TCIM: variants seen among roughly 807,000 people sequenced by gnomAD.
TCIM encodes human thyroid cancer 1.
In TCIM, 5 loss-of-function variants were observed where a neutral mutation model predicts 7.0. The observed-to-expected ratio is 0.71, with a 90% CI of 0.37 to 1.50. The LOEUF is 1.50. TCIM is among the 40% of genes most tolerant of loss of function. The pLI, the probability that TCIM is intolerant of heterozygous loss-of-function variation, is 0.03. For synonymous variants in TCIM, 66 were observed against 50.3 expected (o/e 1.31, Z -1.32); for missense variants, 137 against 129.7 (o/e 1.06, Z -0.27).
Position 40,153,549 on chromosome 8 carries a change from G to A in TCIM, c.17G>A (p.Ser6Asn). The A allele has an allele frequency of 6.2e-7, 1 of 1,610,984 alleles. No individual in the cohort carries two copies. Among genetic ancestry groups the A allele is most frequent in the Non-Finnish European group, 8.5e-7 (1 of 1,178,232 alleles). The change falls in exon 1 of 1, where the codon AGC (serine) becomes AAC (asparagine). Residue 6 changes from serine (S) to asparagine (N), a missense_variant. By Grantham distance (46) the Ser-to-Asn change is conservative (BLOSUM62 1). Transcript: ENST00000315792. MKAKRSHQAVIMSTSL... is the reference protein window; with the variant it reads MKAKRNHQAVIMSTSL... ...CCCACATCGATGAAAGCAAAGCGAA[G>A]CCACCAAGCCGTCATCATGTCCACG...
At position 40,153,683 on chromosome 8, in the gene TCIM, C is replaced by T; in HGVS notation, c.151C>T (p.Leu51Phe). Residue 51 changes from leucine to phenylalanine, a missense_variant, in exon 1 of 1, where the codon CTC (leucine) becomes TTC (phenylalanine). By Grantham distance (22) the Leu-to-Phe change is conservative (BLOSUM62 0). Transcript: ENST00000315792. ...ENTDQESLER[L>F]FRNSGDKKAE... ...CACAGACCAAGAATCACTAGAAAGG[C>T]TCTTCAGAAACTCTGGAGACAAGAA... 1.9e-6 allele frequency: 3 copies of T among 1,614,124 alleles called. No homozygotes were observed. The highest frequency in any genetic ancestry group is 2.5e-6 in the Non-Finnish European group (3 of 1,180,010).
Position 40,153,957 on chromosome 8 carries a change from C to G in TCIM, c.*104C>G, listed in dbSNP as rs1007995820. 32 of 1,073,952 alleles carry G rather than the reference C, an allele frequency of 3.0e-5. No homozygotes were observed. Among genetic ancestry groups the G allele is most frequent in the African/African-American group, 4.8e-5 (3 of 63,092 alleles). The allele number at this position is 1,073,952 out of a possible 1,614,324, so 66.5% of individuals were successfully genotyped here. On this transcript the variant is annotated 3_prime_UTR_variant, in exon 1 of 1. Transcript: ENST00000315792. ...CAGCATTTTGCTGCTACCTTACAAGCTTCTCTTCTGTCAGGACTCCAGAGG... is the reference window on the plus strand; with the variant it reads ...CAGCATTTTGCTGCTACCTTACAAGGTTCTCTTCTGTCAGGACTCCAGAGG...
chr8:40,153,789 A>G lies in TCIM; in HGVS notation c.257A>G (p.Lys86Arg). 6.2e-7 allele frequency: 1 copy of G among 1,613,996 alleles called. No individual in the cohort carries two copies. The highest frequency in any genetic ancestry group is 1.1e-5 in the South Asian group (1 of 91,062). The change falls in exon 1 of 1, where the codon AAG becomes AGG. Residue 86 changes from lysine (K) to arginine (R), a missense_variant. Lys to Arg is a conservative substitution (Grantham distance 26). Coordinates refer to ENST00000315792, the MANE Select transcript of TCIM (RefSeq NM_020130.5). ...EKTRALMALK[K>R]RTKDKLFQFL... is the part of the protein sequence containing the mutation. ...ACGCGTGCCCTGATGGCCTTGAAGAAGAGGACAAAAGACAAGCTTTTCCAG... is the reference window on the plus strand; with the variant it reads ...ACGCGTGCCCTGATGGCCTTGAAGAGGAGGACAAAAGACAAGCTTTTCCAG...
At position 40,153,580 on chromosome 8, in the gene TCIM, A is replaced by G. The variant is rs1563486531; in HGVS notation, c.48A>G (p.Leu16=). 1.2e-6 allele frequency: 2 copies of G among 1,614,114 alleles called. No homozygotes were observed. The highest frequency in any genetic ancestry group is 2.2e-5 in the South Asian group (2 of 91,074). The change falls in exon 1 of 1, where the codon CTA becomes CTG. Residue 16 remains leucine (L), a synonymous_variant. Coordinates refer to ENST00000315792, the MANE Select transcript of TCIM (RefSeq NM_020130.5). ...SHQAVIMSTS[L]RVSPSIHGYH... The stretch of plus-strand genomic sequence containing the variant: ...AAGCCGTCATCATGTCCACGTCGCT[A>G]CGAGTCAGCCCATCCATCCATGGCT...
In TCIM at chr8:40,153,945, CT is replaced by C; in HGVS notation, c.*93del. On this transcript the variant is annotated 3_prime_UTR_variant, in exon 1 of 1. Coordinates refer to ENST00000315792, the MANE Select transcript of TCIM (RefSeq NM_020130.5). ...TTCTAACAGATGCAGCATTTTGCTG[CT>C]ACCTTACAAGCTTCTCTTCTGTCAG... 2 of 1,195,380 alleles carry C rather than the reference CT, an allele frequency of 1.7e-6. No individual in the cohort carries two copies. The highest frequency in any genetic ancestry group is 2.4e-6 in the Non-Finnish European group (2 of 844,002). 74.0% of individuals were successfully genotyped at this position (1,195,380 alleles called of 1,614,324 possible). A position where few individuals can be genotyped will look rare whatever the true frequency, so the allele number is the denominator to read the frequency against.
chr8:40,154,834 G>A lies in TCIM; in HGVS notation c.*981G>A, dbSNP rs528818380. ...TTGTGGCTTTTGGTCTGTGATGCTT[G>A]GTCTCAAAGGAAAAAATAAGATGGT... On this transcript the variant is annotated 3_prime_UTR_variant, in exon 1 of 1. Transcript: ENST00000315792. 2.2e-4 allele frequency: 37 copies of A among 166,878 alleles called. No individual in the cohort carries two copies. The highest frequency in any genetic ancestry group is 7.5e-4 in the African/African-American group (31 of 41,468). 10.3% of individuals were successfully genotyped at this position (166,878 alleles called of 1,614,324 possible).
chr8:40,153,489 C>A lies in TCIM; in HGVS notation c.-44C>A. The A allele has an allele frequency of 6.6e-7, 1 of 1,519,128 alleles. No individual in the cohort carries two copies. The highest frequency in any genetic ancestry group is 1.2e-5 in the South Asian group (1 of 81,242). The allele number at this position is 1,519,128 out of a possible 1,614,324, so 94.1% of individuals were successfully genotyped here. The stretch of plus-strand genomic sequence containing the variant: ...TCCCAGAATGATTTCACTACAGACT[C>A]TCTGGAAAGCCTGGGAGCTGAATTC... On this transcript the variant is annotated 5_prime_UTR_variant, in exon 1 of 1. Transcript: ENST00000315792.
chr8:40,154,155 C>A lies in TCIM; in HGVS notation c.*302C>A. The A allele has an allele frequency of 2.2e-6, 1 of 453,538 alleles. No individual in the cohort carries two copies. Among genetic ancestry groups the A allele is most frequent in the Non-Finnish European group, 4.0e-6 (1 of 249,570 alleles). The allele number at this position is 453,538 out of a possible 1,614,324, so 28.1% of individuals were successfully genotyped here. On this transcript the variant is annotated 3_prime_UTR_variant, in exon 1 of 1. Transcript: ENST00000315792. ...ATTGATGCTGATAGAAGAGCCTGGA[C>A]AGATGTAATGAGAACTAAAGAAAAC...
rs1393950551 is a variant in TCIM, at chr8:40,154,980, G to A, written c.*1127G>A. 2.4e-5 allele frequency: 4 copies of A among 166,846 alleles called. No homozygotes were observed. The highest frequency in any genetic ancestry group is 5.9e-5 in the Non-Finnish European group (4 of 68,068). The allele number at this position is 166,846 out of a possible 1,614,324, so 10.3% of individuals were successfully genotyped here. ...ACAAATTCTTACGTCAAATATCTGG[G>A]AAGTTTCTCTGTCCCAATCTTAAAA... On this transcript the variant is annotated 3_prime_UTR_variant, in exon 1 of 1. Transcript: ENST00000315792.
rs1381512419 is a variant in TCIM at position 40,154,706 on chromosome 8, A to T, written c.*853A>T. 6.0e-6 allele frequency: 1 copy of T among 167,164 alleles called. No individual in the cohort carries two copies. The allele number at this position is 167,164 out of a possible 1,614,324, so 10.4% of individuals were successfully genotyped here. A position where few individuals can be genotyped will look rare whatever the true frequency, so the allele number is the denominator to read the frequency against. ...TCATACAGTTACTGCAGTAAGCATT[A>T]GGAAGTGAATATGATATACAAAATA... On this transcript the variant is annotated 3_prime_UTR_variant, in exon 1 of 1. Coordinates refer to ENST00000315792, the MANE Select transcript of TCIM (RefSeq NM_020130.5).
rs759716584 is a variant in TCIM, at chr8:40,155,023, G to A, written c.*1170G>A. ...TCTTAAAATATAAAATATAGATATA[G>A]AAGTTCATAGATTGACTCCTTGGCA... On this transcript the variant is annotated 3_prime_UTR_variant, in exon 1 of 1. Coordinates refer to ENST00000315792, the MANE Select transcript of TCIM (RefSeq NM_020130.5). The A allele has an allele frequency of 1.8e-5, 3 of 166,956 alleles. No individual in the cohort carries two copies. Among genetic ancestry groups the A allele is most frequent in the Non-Finnish European group, 4.4e-5 (3 of 68,068 alleles). 10.3% of individuals were successfully genotyped at this position (166,956 alleles called of 1,614,324 possible). A position where few individuals can be genotyped will look rare whatever the true frequency, so the allele number is the denominator to read the frequency against.
chr8:40,155,042 C>A lies in TCIM; in HGVS notation c.*1189C>A, dbSNP rs1228064647. Reference sequence around the variant, plus strand: ...GATATAGAAGTTCATAGATTGACTCCTTGGCATTTCTATTTATGTATCCAT... The same window carrying A: ...GATATAGAAGTTCATAGATTGACTCATTGGCATTTCTATTTATGTATCCAT... On this transcript the variant is annotated 3_prime_UTR_variant, in exon 1 of 1. Transcript: ENST00000315792. The A allele has an allele frequency of 1.2e-5, 2 of 166,932 alleles. No individual in the cohort carries two copies. The highest frequency in any genetic ancestry group is 2.4e-5 in the African/African-American group (1 of 41,432). 10.3% of individuals were successfully genotyped at this position (166,932 alleles called of 1,614,324 possible).
In TCIM at chr8:40,154,904, AT is replaced by A. The variant is rs1804772155; in HGVS notation, c.*1052del. On this transcript the variant is annotated 3_prime_UTR_variant, in exon 1 of 1. Coordinates refer to ENST00000315792, the MANE Select transcript of TCIM (RefSeq NM_020130.5). ...CTTTTCTAAAGATGTGTCTCTAACA[AT>A]AAAAGTTAATTTTAGAGTAGTTTTA... 1 of 167,048 alleles carries A rather than the reference AT, an allele frequency of 6.0e-6. No homozygotes were observed. The highest frequency in any genetic ancestry group is 6.5e-5 in the Admixed American group (1 of 15,278). 10.3% of individuals were successfully genotyped at this position (167,048 alleles called of 1,614,324 possible).
In TCIM at chr8:40,154,144, A is replaced by G. The variant is rs1450123984; in HGVS notation, c.*291A>G. ...TGCAGGAAAGGATTGATGCTGATAG[A>G]AGAGCCTGGACAGATGTAATGAGAA... On this transcript the variant is annotated 3_prime_UTR_variant, in exon 1 of 1. Coordinates refer to ENST00000315792, the MANE Select transcript of TCIM (RefSeq NM_020130.5). 1 of 488,464 alleles carries G rather than the reference A, an allele frequency of 2.0e-6. No homozygotes were observed. Among genetic ancestry groups the G allele is most frequent in the Non-Finnish European group, 3.7e-6 (1 of 271,184 alleles). 30.3% of individuals were successfully genotyped at this position (488,464 alleles called of 1,614,324 possible).
Position 40,154,471 on chromosome 8 carries a change from T to C in TCIM, c.*618T>C. 1 of 327,612 alleles carries C rather than the reference T, an allele frequency of 3.1e-6. No homozygotes were observed. Among genetic ancestry groups the C allele is most frequent in the Admixed American group, 5.0e-5 (1 of 20,166 alleles). The allele number at this position is 327,612 out of a possible 1,614,324, so 20.3% of individuals were successfully genotyped here. A position where few individuals can be genotyped will look rare whatever the true frequency, so the allele number is the denominator to read the frequency against. On this transcript the variant is annotated 3_prime_UTR_variant, in exon 1 of 1. Coordinates refer to ENST00000315792, the MANE Select transcript of TCIM (RefSeq NM_020130.5). ...CCTGAAAAAGTGCACCACATGGATG[T>C]TAAGTAGAAATTCAAGAAAGTAAGA...
rs750203143 is a variant in TCIM at position 40,153,721 on chromosome 8, A to G, written c.189A>G (p.Arg63=). ...RNSGDKKAEE[R]AKIIFAIDQD... is the part of the protein sequence containing the mutation. ...CTGGAGACAAGAAAGCAGAGGAGAGAGCCAAGATCATTTTTGCCATAGATC... is the reference window on the plus strand; with the variant it reads ...CTGGAGACAAGAAAGCAGAGGAGAGGGCCAAGATCATTTTTGCCATAGATC... Residue 63 remains arginine (R), a synonymous_variant, in exon 1 of 1, where the codon AGA becomes AGG. Transcript: ENST00000315792. 1 of 1,614,156 alleles carries G rather than the reference A, an allele frequency of 6.2e-7. No homozygotes were observed. Among genetic ancestry groups the G allele is most frequent in the South Asian group, 1.1e-5 (1 of 91,082 alleles).
Position 40,154,155 on chromosome 8 carries a change from C to T in TCIM, c.*302C>T. On this transcript the variant is annotated 3_prime_UTR_variant, in exon 1 of 1. Coordinates refer to ENST00000315792, the MANE Select transcript of TCIM (RefSeq NM_020130.5). ...ATTGATGCTGATAGAAGAGCCTGGA[C>T]AGATGTAATGAGAACTAAAGAAAAC... The T allele has an allele frequency of 2.2e-6, 1 of 453,538 alleles. No individual in the cohort carries two copies. Among genetic ancestry groups the T allele is most frequent in the Admixed American group, 3.8e-5 (1 of 26,134 alleles). The allele number at this position is 453,538 out of a possible 1,614,324, so 28.1% of individuals were successfully genotyped here. A position where few individuals can be genotyped will look rare whatever the true frequency, so the allele number is the denominator to read the frequency against.
At position 40,153,682 on chromosome 8, in the gene TCIM, G is replaced by C. The variant is rs1804747393; in HGVS notation, c.150G>C (p.Arg50Ser). The change falls in exon 1 of 1, where the codon AGG becomes AGC. Residue 50 changes from arginine to serine, a missense_variant. Physicochemically the swap from Arg to Ser is moderately radical, Grantham distance 110. Transcript: ENST00000315792. ...ACACAGACCAAGAATCACTAGAAAG[G>C]CTCTTCAGAAACTCTGGAGACAAGA... is the stretch of plus-strand genomic sequence containing the variant. ...FENTDQESLE[R>S]LFRNSGDKKA... 5 of 1,614,008 alleles carry C rather than the reference G, an allele frequency of 3.1e-6. No individual in the cohort carries two copies. Among genetic ancestry groups the C allele is most frequent in the African/African-American group, 2.7e-5 (2 of 74,918 alleles).
chr8:40,153,720 G>C lies in TCIM; in HGVS notation c.188G>C (p.Arg63Thr), dbSNP rs765159883. Residue 63 changes from arginine (R) to threonine (T), a missense_variant, in exon 1 of 1, where the codon AGA becomes ACA. Coordinates refer to ENST00000315792, the MANE Select transcript of TCIM (RefSeq NM_020130.5). ...TCTGGAGACAAGAAAGCAGAGGAGA[G>C]AGCCAAGATCATTTTTGCCATAGAT... is the stretch of plus-strand genomic sequence containing the variant. ...RNSGDKKAEE[R>T]AKIIFAIDQD... 1 of 1,614,116 alleles carries C rather than the reference G, an allele frequency of 6.2e-7. No homozygotes were observed. The highest frequency in any genetic ancestry group is 1.6e-4 in the Middle Eastern group (1 of 6,062).
Sources: allele counts gnomAD v4.1 joint callset, GRCh38; gene constraint gnomAD v4.1.1; transcripts MANE v1.5; gene names NCBI Gene and HGNC (gene_info 2026-07-23, HGNC 2026-07-21).